Variants in KCNH8 observed in about 807,000 individuals in gnomAD.
The protein encoded by KCNH8 is potassium voltage-gated channel subfamily H member 8, also known as voltage-gated delayed rectifier potassium channel KCNH8.
In KCNH8, 70 loss-of-function variants were observed where a neutral mutation model predicts 103.6. That is an observed-to-expected ratio of 0.68 (90% confidence interval 0.56 to 0.82). The LOEUF is 0.82. KCNH8 is among the 40% of genes least tolerant of loss of function. KCNH8 has a pLI of 0.00. For synonymous variants in KCNH8, 498 were observed against 489.4 expected (o/e 1.02, Z -0.23); for missense variants, 1,217 against 1,329.9 (o/e 0.92, Z 1.32).
chr3:19,168,865 T>A (rs73180799), intron 1 of KCNH8, among the ~76,000 whole-genome samples: 2 of 152,136 alleles, frequency 1.3e-5, no homozygotes, highest in African/African-American at 2.4e-5. Context: ...AAAATTAAAA[T>A]CCAAAGGTGT....
intron 11 of KCNH8, among the ~76,000 whole-genome samples, chr3:19,504,966 G>T (rs562874775): frequency 1.2e-4 from 17 of 146,126 alleles, no homozygotes; most frequent in East Asian, 1.0e-3. Flanking sequence ...GAAAATGTGA[G>T]ATATATATAT....
intron 11 of KCNH8, among the ~76,000 whole-genome samples, chr3:19,496,811 C>T (rs1193835043): frequency 2.6e-5 from 4 of 152,098 alleles, no homozygotes; most frequent in African/African-American, 7.2e-5. Flanking sequence ...GCTGTGAATC[C>T]GTCTACTTCT....
intron 1 of KCNH8, among the ~76,000 whole-genome samples, chr3:19,244,764 GTCT>G (rs1408770338): frequency 6.6e-6 from 1 of 152,006 alleles, no homozygotes; most frequent in Non-Finnish European, 1.5e-5. Context: ...CCACTTGCAT[GTCT>G]TCTTTTGAGA....
chr3:19,416,077 A>T (rs1256893639), intron 7 of KCNH8, among the ~76,000 whole-genome samples: 1 of 152,014 alleles, frequency 6.6e-6, no homozygotes, highest in African/African-American at 2.4e-5. Context: ...AAGTGTAAAA[A>T]TTTTTAAATT....
chr3:19,533,158 C>T (rs1172276784), intron 15 of KCNH8, among the ~76,000 whole-genome samples: 3 of 146,176 alleles, frequency 2.1e-5, no homozygotes, highest in African/African-American at 7.7e-5. Flanking sequence ...GAGCTGAGAT[C>T]GTGCCACTGC....
intron 1 of KCNH8, among the ~76,000 whole-genome samples, chr3:19,175,866 G>A (rs1481100249): frequency 6.6e-6 from 1 of 152,234 alleles, no homozygotes; most frequent in East Asian, 1.9e-4. Context: ...GGCTAAAAAA[G>A]ATCTGTGAGC....
intron 3 of KCNH8, among the ~76,000 whole-genome samples, chr3:19,321,237 A>T (rs902691939): frequency 5.3e-5 from 8 of 151,226 alleles, no homozygotes; most frequent in Non-Finnish European, 1.2e-4. Context: ...TGGGTTTGGT[A>T]TGTTTTTGTT....
chr3:19,321,219 G>T (rs1328747132), intron 3 of KCNH8, among the ~76,000 whole-genome samples: 1 of 151,778 alleles, frequency 6.6e-6, no homozygotes, highest in Non-Finnish European at 1.5e-5. Context: ...CTTTTCTTCT[G>T]CTGGGTTTGG....
chr3:19,159,795 T>C (rs1947246), intron 1 of KCNH8, among the ~76,000 whole-genome samples: 4,785 of 152,158 alleles, frequency 0.031, 250 homozygotes, highest in African/African-American at 0.11. Context: ...TCATCTCCTT[T>C]CCTACAACAA....
At chr3:19,274,436 A>G (rs2064633822) in intron 2 of KCNH8, among the ~76,000 whole-genome samples, 2 of 152,168 alleles carry the variant, frequency 1.3e-5, no homozygotes, top group Non-Finnish European at 2.9e-5. Flanking sequence ...TCCATTTCCT[A>G]CTATAAAACT....
intron 11 of KCNH8, among the ~76,000 whole-genome samples, chr3:19,486,194 C>A (rs1171238697): frequency 6.6e-6 from 1 of 152,200 alleles, no homozygotes; most frequent in Admixed American, 6.5e-5. Flanking sequence ...AAGGTCAGGT[C>A]TGCTAGAATA....
chr3:19,148,880 T>G, intron 1 of KCNH8, 85 bp downstream of exon 1: 3 of 1,185,698 alleles, frequency 2.5e-6, no homozygotes, highest in Non-Finnish European at 3.8e-6. Context: ...CACCTTCCCT[T>G]TTGCACCAGC....
intron 2 of KCNH8, among the ~76,000 whole-genome samples, chr3:19,260,513 T>G (rs1207838466): frequency 7.7e-6 from 1 of 129,930 alleles, no homozygotes; most frequent in African/African-American, 2.8e-5. Flanking sequence ...TATATATATA[T>G]ATATATATAT....
At chr3:19,437,025 A>G (rs2067209515) in intron 7 of KCNH8, among the ~76,000 whole-genome samples, 1 of 152,138 alleles carries the variant, frequency 6.6e-6, no homozygotes, top group South Asian at 2.1e-4. Flanking sequence ...AGCTGCTTCA[A>G]ATTTGCATTT....
At chr3:19,502,976 C>T (rs1182513309) in intron 11 of KCNH8, among the ~76,000 whole-genome samples, 2 of 151,968 alleles carry the variant, frequency 1.3e-5, no homozygotes, top group Non-Finnish European at 2.9e-5. Flanking sequence ...AAACTACCAT[C>T]AGAGTGAACA....
chr3:19,362,545 C>T (rs1290906877), intron 5 of KCNH8, among the ~76,000 whole-genome samples: 1 of 152,144 alleles, frequency 6.6e-6, no homozygotes, highest in Non-Finnish European at 1.5e-5. Context: ...CTTTCCTGCA[C>T]CTGCTGTTTC....
chr3:19,505,111 ATAC>A (rs1311871367), intron 11 of KCNH8, among the ~76,000 whole-genome samples: 5 of 151,862 alleles, frequency 3.3e-5, no homozygotes, highest in Admixed American at 1.3e-4. Context: ...ACACCATGGA[ATAC>A]TACACCGCTG....
At chr3:19,386,749 C>T (rs1466951612) in intron 5 of KCNH8, among the ~76,000 whole-genome samples, 1 of 152,068 alleles carries the variant, frequency 6.6e-6, no homozygotes, top group African/African-American at 2.4e-5. Flanking sequence ...GAAAGTTATA[C>T]TGCTGCTTTT....
rs183393890 is a variant in KCNH8 at position 19,278,790 on chromosome 3, A to G, written c.311-2408A>G. Among the ~76,000 whole-genome samples, 3 of 152,302 alleles carry G rather than the reference A, an allele frequency of 2.0e-5. No homozygotes were observed. The East Asian group carries it at 5.8e-4, about 30-fold the overall frequency. The stretch of plus-strand genomic sequence containing the variant: ...TAACTTAAAAGACAAATCTCAAAGT[A>G]AACTTTCAGTTATTCCAGAATATAA... On this transcript the variant is annotated intron_variant, in intron 2 of 15. Transcript: ENST00000328405.
Sources: allele counts gnomAD v4.1 joint callset (sites outside exome capture counted in the v4.1 genomes callset), GRCh38; gene constraint gnomAD v4.1.1; transcripts MANE v1.5; gene names NCBI Gene and HGNC (gene_info 2026-07-23, HGNC 2026-07-21).